PDE10A: variants seen among roughly 807,000 people sequenced by gnomAD.
The protein encoded by PDE10A is phosphodiesterase 10A, also known as cAMP and cAMP-inhibited cGMP 3',5'-cyclic phosphodiesterase 10A.
A neutral mutation model predicts 97.7 loss-of-function variants in PDE10A; 39 were observed. That is an observed-to-expected ratio of 0.40 (90% CI 0.31 to 0.52). The LOEUF (loss-of-function observed/expected upper bound fraction) is 0.52. PDE10A is among the 20% of genes least tolerant of loss of function. PDE10A has a pLI of 0.56. For missense variants in PDE10A, 731 were observed against 1,047.8 expected (o/e 0.70, Z 4.17); for synonymous variants, 371 against 376.8 (o/e 0.98, Z 0.18).
intron 1 of PDE10A, among the ~76,000 whole-genome samples, chr6:165,638,782 T>TA (rs1417162332): frequency 6.6e-6 from 1 of 152,166 alleles, no homozygotes; most frequent in Non-Finnish European, 1.5e-5. Context: ...CCTAGCAATC[T>TA]AAAATAGATT....
At chr6:165,525,128 G>A (rs1041641719) in intron 2 of PDE10A, among the ~76,000 whole-genome samples, 5 of 152,220 alleles carry the variant, frequency 3.3e-5, no homozygotes, top group East Asian at 1.9e-4. Context: ...CTGAAGTCCC[G>A]GCGAGCCCCT....
At position 165,543,483 on chromosome 6, in the gene PDE10A, C is replaced by T. The variant is rs749869652; in HGVS notation, c.951G>A (p.Glu317=). 1 of 1,612,744 alleles carries T rather than the reference C, an allele frequency of 6.2e-7. No individual in the cohort carries two copies. The highest frequency in any genetic ancestry group is 1.3e-5 in the African/African-American group (1 of 74,906). Residue 317 remains glutamate (E), a synonymous_variant, in exon 2 of 22, where the codon GAG becomes GAA. Coordinates refer to ENST00000539869, the MANE Select transcript of PDE10A (RefSeq NM_001385079.1). ...TCCTCTTCAGCCATTTCTCTACTGT[C>T]TCTGCACTAACACTTTCAGATACAA... ...DEFVSESVSA[E]TVEKWLKRKN... is the part of the protein sequence containing the mutation.
At chr6:165,374,855 G>T (rs532737128) in intron 18 of PDE10A, among the ~76,000 whole-genome samples, 1 of 150,334 alleles carries the variant, frequency 6.7e-6, no homozygotes, top group African/African-American at 2.5e-5. Context: ...GATTCTCTGT[G>T]TTACATTTTG....
chr6:165,961,584 TG>T (rs1364097543), intron 1 of PDE10A, among the ~76,000 whole-genome samples: 1 of 152,202 alleles, frequency 6.6e-6, no homozygotes, highest in Non-Finnish European at 1.5e-5. Context: ...ACCCCTTGTT[TG>T]GTTTGCAAGT....
intron 20 of PDE10A, among the ~76,000 whole-genome samples, chr6:165,336,917 T>A (rs1281579923): frequency 1.3e-5 from 2 of 152,130 alleles, no homozygotes; most frequent in Non-Finnish European, 2.9e-5. Flanking sequence ...AAGCCTGCTA[T>A]TCTTTCATAC....
chr6:165,956,012 A>T (rs776929500), intron 1 of PDE10A, among the ~76,000 whole-genome samples: 5 of 152,262 alleles, frequency 3.3e-5, no homozygotes, highest in Non-Finnish European at 7.3e-5. Context: ...AAATGGAAAC[A>T]TCTGTAAACT....
At chr6:165,963,485 C>A (rs774528972) in intron 1 of PDE10A, among the ~76,000 whole-genome samples, 20 of 152,306 alleles carry the variant, frequency 1.3e-4, no homozygotes, top group Non-Finnish European at 1.3e-4. Context: ...AGCCATGTGG[C>A]CTGCTACAGT....
chr6:165,808,392 G>A (rs1379327459), intron 1 of PDE10A, among the ~76,000 whole-genome samples: 1 of 152,204 alleles, frequency 6.6e-6, no homozygotes, highest in African/African-American at 2.4e-5. Flanking sequence ...CACAGACAGC[G>A]GGTGATGTCG....
chr6:165,905,391 C>T (rs931835350), intron 1 of PDE10A, among the ~76,000 whole-genome samples: 6 of 152,002 alleles, frequency 3.9e-5, no homozygotes, highest in Admixed American at 1.3e-4. Flanking sequence ...AAAAGCAATT[C>T]GACCCTTAAA....
intron 1 of PDE10A, among the ~76,000 whole-genome samples, chr6:165,723,441 G>T (rs929481873): frequency 6.6e-6 from 1 of 152,064 alleles, no homozygotes; most frequent in Non-Finnish European, 1.5e-5. Context: ...AAAATAGTGC[G>T]GTTTCCTTGT....
At chr6:165,839,468 A>G (rs1277256273) in intron 1 of PDE10A, among the ~76,000 whole-genome samples, 1 of 152,216 alleles carries the variant, frequency 6.6e-6, no homozygotes, top group African/African-American at 2.4e-5. Flanking sequence ...TCTATTCCCA[A>G]TAGATTGACT....
chr6:165,692,760 A>T (rs915250121), intron 1 of PDE10A, among the ~76,000 whole-genome samples: 8 of 152,174 alleles, frequency 5.3e-5, no homozygotes, highest in African/African-American at 1.9e-4. Context: ...TTACTTATGC[A>T]TTTTAAATCA....
intron 2 of PDE10A, among the ~76,000 whole-genome samples, chr6:165,516,554 C>T (rs934922810): frequency 6.6e-6 from 1 of 152,114 alleles, no homozygotes; most frequent in Non-Finnish European, 1.5e-5. Context: ...GAACAAAAGC[C>T]CTTAATGATC....
At chr6:165,396,711 G>A (rs542203742) in intron 13 of PDE10A, among the ~76,000 whole-genome samples, 64 of 152,134 alleles carry the variant, frequency 4.2e-4, no homozygotes, top group Non-Finnish European at 5.9e-4. Context: ...TGGGTGATGA[G>A]ATTACTTGGC....
chr6:165,738,730 T>C lies in PDE10A; in HGVS notation c.-614-195162A>G, dbSNP rs184215322. 2.2e-3 allele frequency among the ~76,000 whole-genome samples: 329 copies of C among 152,308 alleles called. 4 individuals carry two copies. The highest frequency in any genetic ancestry group is 7.4e-3 in the African/African-American group (307 of 41,552). ...CTAACTGGTGTGAGATGATATCTCA[T>C]TGTGGTTTTGATTTGCATTTCTCTG... is the stretch of plus-strand genomic sequence containing the variant. On this transcript the variant is annotated intron_variant, in intron 1 of 19. Coordinates refer to the PDE10A transcript ENST00000366882.
chr6:165,875,731 G>GTTTTTTTTTTTTTTTT (rs748111095), intron 1 of PDE10A, among the ~76,000 whole-genome samples: 3 of 46,944 alleles, frequency 6.4e-5, no homozygotes, highest in African/African-American at 1.6e-4. Flanking sequence ...TTCTTTTACT[G>GTTTTTTTTTTTTTTTT]TTTTTTTTTT....
intron 1 of PDE10A, among the ~76,000 whole-genome samples, chr6:165,944,135 GA>G (rs374706954): frequency 2.0e-5 from 3 of 152,178 alleles, no homozygotes; most frequent in African/African-American, 7.2e-5. Context: ...AAAAAGGGGG[GA>G]AATCCCTTCT....
chr6:165,629,744 G>A (rs976445030), intron 1 of PDE10A, among the ~76,000 whole-genome samples: 4 of 152,048 alleles, frequency 2.6e-5, no homozygotes, highest in Admixed American at 6.5e-5. Context: ...ATATTGCCCA[G>A]GCTGGTCTTC....
intron 1 of PDE10A, among the ~76,000 whole-genome samples, chr6:165,789,591 C>A (rs1344308569): frequency 2.0e-5 from 3 of 152,116 alleles, no homozygotes; most frequent in African/African-American, 7.2e-5. Context: ...AAGAAAACAG[C>A]AAATACTAAT....
Sources: allele counts gnomAD v4.1 joint callset (sites outside exome capture counted in the v4.1 genomes callset), GRCh38; gene constraint gnomAD v4.1.1; transcripts MANE v1.5; gene names NCBI Gene and HGNC (gene_info 2026-07-23, HGNC 2026-07-21).